STK38L: variants seen among roughly 807,000 people sequenced by gnomAD.
The protein encoded by STK38L is serine/threonine kinase 38 like, also known as serine/threonine-protein kinase 38-like.
A neutral mutation model predicts 59.7 loss-of-function variants in STK38L; 28 were observed. That is an observed-to-expected ratio of 0.47 (90% CI 0.35 to 0.64). STK38L has a LOEUF of 0.64. Ranked by LOEUF, STK38L falls within the 30% of genes least tolerant of loss-of-function variation. The pLI, the probability that STK38L is intolerant of heterozygous loss-of-function variation, is 0.01. For missense variants in STK38L, 314 were observed against 555.8 expected (o/e 0.56, Z 4.37); for synonymous variants, 162 against 176.8 (o/e 0.92, Z 0.66).
intron 1 of STK38L, among the ~76,000 whole-genome samples, chr12:27,248,719 G>T (rs1368807900): frequency 2.6e-5 from 4 of 152,190 alleles, no homozygotes; most frequent in African/African-American, 4.8e-5. Flanking sequence ...GGTTCTAGAA[G>T]ACACCTATAC....
chr12:27,245,158 A>C (rs1386232636), intron 1 of STK38L, among the ~76,000 whole-genome samples: 1 of 152,136 alleles, frequency 6.6e-6, no homozygotes, highest in Non-Finnish European at 1.5e-5. Context: ...GAATGATATA[A>C]AAAGAAGTGG....
At chr12:27,301,826 G>A (rs1944180508) in intron 2 of STK38L, among the ~76,000 whole-genome samples, 1 of 151,988 alleles carries the variant, frequency 6.6e-6, no homozygotes, top group Non-Finnish European at 1.5e-5. Context: ...TAATGATATT[G>A]GTAGATTGAA....
At chr12:27,263,092 A>G (rs1445746849) in intron 1 of STK38L, among the ~76,000 whole-genome samples, 2 of 152,200 alleles carry the variant, frequency 1.3e-5, no homozygotes, top group South Asian at 2.1e-4. Context: ...TGCCCAGCCA[A>G]GATTGTTTTG....
chr12:27,244,929 C>G (rs1304487366), intron 1 of STK38L, among the ~76,000 whole-genome samples: 1 of 152,204 alleles, frequency 6.6e-6, no homozygotes, highest in Non-Finnish European at 1.5e-5. Context: ...AATCATTTCT[C>G]CCACTCCTTT....
intron 1 of STK38L, among the ~76,000 whole-genome samples, chr12:27,283,313 T>C (rs1943700062): frequency 6.6e-6 from 1 of 152,226 alleles, no homozygotes; most frequent in Non-Finnish European, 1.5e-5. Context: ...AGTTAACATT[T>C]AATGAGTACT....
intron 5 of STK38L, among the ~76,000 whole-genome samples, chr12:27,309,623 T>C (rs892250787): frequency 5.9e-5 from 9 of 152,222 alleles, no homozygotes; most frequent in African/African-American, 2.2e-4. Flanking sequence ...TCTCTTCTTA[T>C]AAGGACATTA....
chr12:27,302,262 TATAACTTAA>T (rs1944193910), intron 3 of STK38L, 74 bp downstream of exon 3: 1 of 1,143,902 alleles, frequency 8.7e-7, no homozygotes, highest in African/African-American at 1.6e-5. Context: ...TCAGGTATTT[TATAACTTAA>T]ATAATGTGGA....
rs1944385071 is a variant in STK38L at position 27,308,891 on chromosome 12, A to ATTAATATATATAAAAT, written c.310-223_310-222insTTAATATATATAAAAT. Among the ~76,000 whole-genome samples the ATTAATATATATAAAAT allele has an allele frequency of 6.9e-6, 1 of 145,230 alleles. No homozygotes were observed. The highest frequency in any genetic ancestry group is 1.5e-5 in the Non-Finnish European group (1 of 66,206). On this transcript the variant is annotated intron_variant, in intron 4 of 13. Transcript: ENST00000389032. This position sits in a 1 kb window ranked among gnomAD's most constrained non-coding sequence, Gnocchi z 4.5. Reference sequence around the variant, plus strand: ...ATAAATATAAATATATATAAATGTAAATATATAAATATATATAAATATATA... The same window carrying ATTAATATATATAAAAT: ...ATAAATATAAATATATATAAATGTAATTAATATATATAAAATATATATAAATATATATAAATATATA...
chr12:27,270,105 C>T (rs368962103), intron 1 of STK38L, among the ~76,000 whole-genome samples: 128 of 152,276 alleles, frequency 8.4e-4, no homozygotes, highest in Non-Finnish European at 1.6e-3. Flanking sequence ...GGGATTATTT[C>T]GAAGACAAAA....
intron 1 of STK38L, among the ~76,000 whole-genome samples, chr12:27,281,865 T>A (rs10842895): frequency 0.39 from 58,883 of 151,814 alleles, 11,613 homozygotes; most frequent in Admixed American, 0.46. Flanking sequence ...TGGAACCCCC[T>A]GTCTACTAAA....
chr12:27,301,179 G>C (rs1944159905), intron 2 of STK38L, among the ~76,000 whole-genome samples: 1 of 152,078 alleles, frequency 6.6e-6, no homozygotes, highest in African/African-American at 2.4e-5. Flanking sequence ...TAACTTCAAG[G>C]GTGCTGTTTA....
intron 1 of STK38L, among the ~76,000 whole-genome samples, chr12:27,251,178 G>A (rs959983068): frequency 1.3e-5 from 2 of 151,618 alleles, no homozygotes; most frequent in Non-Finnish European, 2.9e-5. Flanking sequence ...CCCTTTAGGA[G>A]TTATTTACAG....
intron 1 of STK38L, among the ~76,000 whole-genome samples, chr12:27,263,442 T>C (rs1943243458): frequency 6.6e-6 from 1 of 152,162 alleles, no homozygotes; most frequent in South Asian, 2.1e-4. Flanking sequence ...GATTGAAAGG[T>C]GTTTGAGTCC....
intron 11 of STK38L, 83 bp downstream of exon 11, chr12:27,318,102 G>C: frequency 6.5e-7 from 1 of 1,528,370 alleles, no homozygotes; most frequent in Non-Finnish European, 8.9e-7. Flanking sequence ...TTTTGTGGGG[G>C]AAGAGGGGAT....
intron 1 of STK38L, among the ~76,000 whole-genome samples, chr12:27,275,955 T>G (rs1943526621): frequency 6.6e-6 from 1 of 151,092 alleles, no homozygotes; most frequent in Non-Finnish European, 1.5e-5. Flanking sequence ...CCAAGCTGAC[T>G]AGCAGTGCCT....
At chr12:27,254,795 A>G (rs1225499858) in intron 1 of STK38L, among the ~76,000 whole-genome samples, 1 of 152,144 alleles carries the variant, frequency 6.6e-6, no homozygotes, top group East Asian at 1.9e-4. Context: ...TAGGGGAGGC[A>G]CAGAGAGGGG....
chr12:27,250,200 C>CATTGCTATTCTGCTTTTATGAATACGGTT (rs1034038991), intron 1 of STK38L, among the ~76,000 whole-genome samples: 12 of 152,140 alleles, frequency 7.9e-5, no homozygotes, highest in African/African-American at 9.7e-5. Context: ...CAAGTTCTCC[C>CATTGCTATTCTGCTTTTATGAATACGGTT]ATTGCTATTC....
chr12:27,274,804 C>A (rs974584598), intron 1 of STK38L, among the ~76,000 whole-genome samples: 1 of 152,194 alleles, frequency 6.6e-6, no homozygotes, highest in East Asian at 1.9e-4. Context: ...TTAATGATTA[C>A]ATATATAACT....
At chr12:27,315,393 A>G (rs1212287614) in intron 9 of STK38L, 43 bp downstream of exon 9, 1 of 1,506,996 alleles carries the variant, frequency 6.6e-7, no homozygotes. Context: ...CCTTGGTTCT[A>G]AAATCTTACC....
Sources: gnomAD v4.1 joint callset for allele counts (sites outside exome capture counted in the v4.1 genomes callset) on GRCh38, gnomAD v4.1.1 for gene constraint, Gnocchi (gnomAD v3.1) non-coding constraint, MANE v1.5 for transcripts, NCBI Gene and HGNC (gene_info 2026-07-23, HGNC 2026-07-21) for gene names.